ZDHHC17: variants seen among roughly 807,000 people sequenced by gnomAD.
ZDHHC17 encodes the protein zDHHC palmitoyltransferase 17, also known as palmitoyltransferase ZDHHC17.
Under a neutral mutation model 90.3 loss-of-function variants are expected in ZDHHC17, and 40 were observed. That is an observed-to-expected ratio of 0.44 (90% CI 0.34 to 0.58). The LOEUF (loss-of-function observed/expected upper bound fraction) is 0.58, where lower values mean the gene tolerates loss of function less well. Among genes scored for constraint, ZDHHC17 ranks in the 20% least tolerant of loss-of-function variants. The probability of loss-of-function intolerance (pLI) is 0.01; values close to 1 mark genes in which losing one functional copy is unlikely to be tolerated. For synonymous variants in ZDHHC17, 235 were observed against 252.4 expected (o/e 0.93, Z 0.65); for missense variants, 614 against 780.8 (o/e 0.79, Z 2.55).
chr12:76,849,006 C>T (rs944462398), intron 15 of ZDHHC17, among the ~76,000 whole-genome samples: 2 of 150,778 alleles, frequency 1.3e-5, no homozygotes, highest in African/African-American at 4.9e-5. Context: ...GTTTGTGCAG[C>T]CTGGCATGGT....
intron 1 of ZDHHC17, among the ~76,000 whole-genome samples, chr12:76,796,926 A>G (rs191813309): frequency 6.6e-6 from 1 of 152,322 alleles, no homozygotes; most frequent in Non-Finnish European, 1.5e-5. Context: ...TAGCTTGAGA[A>G]TGTGTAAAAT....
intron 12 of ZDHHC17, among the ~76,000 whole-genome samples, chr12:76,843,210 C>A (rs1473815571): frequency 6.6e-6 from 1 of 152,114 alleles, no homozygotes; most frequent in Non-Finnish European, 1.5e-5. Context: ...TATTTGTATT[C>A]ATTCTCTTTC....
intron 5 of ZDHHC17, 47 bp from the exon 6 acceptor site, chr12:76,815,099 G>T (rs1953068851): frequency 2.1e-6 from 3 of 1,426,264 alleles, no homozygotes; most frequent in African/African-American, 2.9e-5. Context: ...ATTTGGTTAG[G>T]AACTTATAAT....
chr12:76,765,076 C>G (rs1203677634), intron 1 of ZDHHC17, among the ~76,000 whole-genome samples: 1 of 152,202 alleles, frequency 6.6e-6, no homozygotes, highest in South Asian at 2.1e-4. Context: ...GAGTTTGTAG[C>G]TGAGCTAGTG....
chr12:76,810,032 C>T (rs1953000790), intron 5 of ZDHHC17, among the ~76,000 whole-genome samples, 175 bp downstream of exon 5: 1 of 152,038 alleles, frequency 6.6e-6, no homozygotes. Context: ...ACATAAAAGC[C>T]AGCATGAAAA....
At position 76,793,949 on chromosome 12, in the gene ZDHHC17, G is replaced by C. The variant is rs372665630; in HGVS notation, c.94-3485G>C. 6.6e-5 allele frequency among the ~76,000 whole-genome samples: 10 copies of C among 152,064 alleles called. No homozygotes were observed. The East Asian group carries it at 1.7e-3, about 26-fold the overall frequency. ...TGCCCAGGCTGGAGCACAGTGGCGC[G>C]ATCGTGGCTCACTGCAAGCTCCACC... On this transcript the variant is annotated intron_variant, in intron 1 of 16. Transcript: ENST00000426126.
At chr12:76,826,063 C>T (rs1272578338) in intron 8 of ZDHHC17, among the ~76,000 whole-genome samples, 1 of 152,140 alleles carries the variant, frequency 6.6e-6, no homozygotes, top group Non-Finnish European at 1.5e-5. Context: ...AAGCGATTCT[C>T]TCGTCTAGGC....
chr12:76,846,482 T>C lies in ZDHHC17; in HGVS notation c.1424-114T>C, dbSNP rs1189217303. On this transcript the variant is annotated intron_variant, in intron 13 of 16. Coordinates refer to ENST00000426126, the MANE Select transcript of ZDHHC17 (RefSeq NM_015336.4). ...AAACCACTTTATAAAATAATGAATG[T>C]ATGTGTGATTATCATCAAAACTGTA... 4 of 689,250 alleles carry C rather than the reference T, an allele frequency of 5.8e-6. No homozygotes were observed. In the African/African-American group the frequency reaches 7.3e-5, roughly 13 times the overall value. 42.7% of individuals were successfully genotyped at this position (689,250 alleles called of 1,614,324 possible).
Position 76,798,332 on chromosome 12 carries a change from C to T in ZDHHC17, c.197+795C>T, listed in dbSNP as rs536656382. Among the ~76,000 whole-genome samples the T allele has an allele frequency of 4.6e-5, 7 of 152,144 alleles. No individual in the cohort carries two copies. The East Asian group carries it at 1.4e-3, about 29-fold the overall frequency. On this transcript the variant is annotated intron_variant, in intron 2 of 16. Transcript: ENST00000426126. ...AGGACAAATCTGACTTTTTATAATGCAAAGTATATGGAAGTTGAAATAACA... is the reference window on the plus strand; with the variant it reads ...AGGACAAATCTGACTTTTTATAATGTAAAGTATATGGAAGTTGAAATAACA...
At chr12:76,824,379 T>C (rs948204050) in intron 8 of ZDHHC17, among the ~76,000 whole-genome samples, 6 of 152,050 alleles carry the variant, frequency 3.9e-5, no homozygotes, top group African/African-American at 1.4e-4. Context: ...GAGAGTGATA[T>C]TTAAAGGTTG....
intron 1 of ZDHHC17, among the ~76,000 whole-genome samples, chr12:76,770,676 G>A (rs912390801): frequency 2.6e-5 from 4 of 152,100 alleles, no homozygotes; most frequent in Non-Finnish European, 4.4e-5. Flanking sequence ...GGTGGCTTAC[G>A]CCTGTAATTG....
chr12:76,779,840 G>A (rs1227416232), intron 1 of ZDHHC17, among the ~76,000 whole-genome samples: 5 of 150,726 alleles, frequency 3.3e-5, no homozygotes, highest in Non-Finnish European at 7.4e-5. Context: ...GTTAATTTTT[G>A]TATAAAGTGT....
At chr12:76,781,091 G>A (rs1043455634) in intron 1 of ZDHHC17, among the ~76,000 whole-genome samples, 47 of 134,790 alleles carry the variant, frequency 3.5e-4, no homozygotes, top group African/African-American at 1.2e-3. Context: ...CCGAGATTGC[G>A]CCACTGCACT....
At chr12:76,769,441 G>A (rs1255590815) in intron 1 of ZDHHC17, among the ~76,000 whole-genome samples, 3 of 152,030 alleles carry the variant, frequency 2.0e-5, no homozygotes, top group East Asian at 1.9e-4. Flanking sequence ...ATGTGTGTGT[G>A]TATATATATG....
chr12:76,764,169 T>G lies in ZDHHC17; in HGVS notation c.-68T>G. On this transcript the variant is annotated 5_prime_UTR_variant, in exon 1 of 17. Coordinates refer to ENST00000426126, the MANE Select transcript of ZDHHC17 (RefSeq NM_015336.4). ...AGGCCCGCGTCGCCTCCGGCGGGGCTCGCGCTCGCCCCGCGCTCGCCCTCC... is the reference window on the plus strand; with the variant it reads ...AGGCCCGCGTCGCCTCCGGCGGGGCGCGCGCTCGCCCCGCGCTCGCCCTCC... 3.0e-4 allele frequency: 277 copies of G among 919,528 alleles called. No individual in the cohort carries two copies. Among genetic ancestry groups the G allele is most frequent in the Non-Finnish European group, 3.6e-4 (234 of 655,912 alleles). 57.0% of individuals were successfully genotyped at this position (919,528 alleles called of 1,614,324 possible).
chr12:76,824,310 G>C (rs1456660988), intron 8 of ZDHHC17, among the ~76,000 whole-genome samples: 1 of 151,752 alleles, frequency 6.6e-6, no homozygotes, highest in East Asian at 1.9e-4. Context: ...TTTTTCATTA[G>C]TAGCTTTAAA....
intron 1 of ZDHHC17, 88 bp downstream of exon 1, chr12:76,764,417 T>G: frequency 4.0e-6 from 5 of 1,265,332 alleles, no homozygotes; most frequent in African/African-American, 1.5e-5. Context: ...CCGACGTGTG[T>G]GGGGTAGTGG....
chr12:76,767,113 G>C (rs1952440470), intron 1 of ZDHHC17, among the ~76,000 whole-genome samples: 1 of 151,968 alleles, frequency 6.6e-6, no homozygotes. Context: ...TGAGGGTCAA[G>C]AACTGGCACA....
At chr12:76,841,552 G>A (rs1017453843) in intron 10 of ZDHHC17, among the ~76,000 whole-genome samples, 2 of 151,858 alleles carry the variant, frequency 1.3e-5, no homozygotes, top group Non-Finnish European at 2.9e-5. Context: ...ATTTCAGTGT[G>A]TTCAAAAAAA....
Sources: allele counts gnomAD v4.1 joint callset (sites outside exome capture counted in the v4.1 genomes callset), GRCh38; gene constraint gnomAD v4.1.1; transcripts MANE v1.5; gene names NCBI Gene and HGNC (gene_info 2026-07-23, HGNC 2026-07-21).